JAK2: variants seen among roughly 807,000 people sequenced by gnomAD.
JAK2 encodes Janus kinase 2.
A neutral mutation model predicts 139.3 loss-of-function variants in JAK2; 86 were observed. That is an observed-to-expected ratio of 0.62 (90% confidence interval 0.52 to 0.74). The LOEUF (loss-of-function observed/expected upper bound fraction) is 0.74. JAK2 is among the 30% of genes least tolerant of loss of function. The probability of loss-of-function intolerance (pLI) is 0.00; values close to 1 mark genes in which losing one functional copy is unlikely to be tolerated. For synonymous variants in JAK2, 490 were observed against 437.7 expected (o/e 1.12, Z -1.49); for missense variants, 1,421 against 1,360.3 (o/e 1.04, Z -0.70).
intron 22 of JAK2, chr9:5,110,840 G>GC: frequency 2.2e-6 from 1 of 464,420 alleles, no homozygotes; most frequent in South Asian, 1.8e-5. Context: ...TTCGGGGAAG[G>GC]TGGGGGGGAC....
intron 22 of JAK2, among the ~76,000 whole-genome samples, chr9:5,118,324 G>A (rs1290969569): frequency 1.3e-5 from 2 of 151,924 alleles, no homozygotes; most frequent in Non-Finnish European, 2.9e-5. Flanking sequence ...TGCATAATAT[G>A]TTACACTTTG....
rs1170473485 is a variant in JAK2, at chr9:5,054,979, C to T, written c.936+95C>T. On this transcript the variant is annotated intron_variant, in intron 7 of 24. Transcript: ENST00000381652. This position sits in a 1 kb window ranked among gnomAD's most constrained non-coding sequence, Gnocchi z 4.9. ...TAATCATTTGCAACATGGTATTGCA[C>T]TTCTCCCATTTGATAGAAGTGGAAG... 5 of 866,624 alleles carry T rather than the reference C, an allele frequency of 5.8e-6. No individual in the cohort carries two copies. The highest frequency in any genetic ancestry group is 5.9e-5 in the Admixed American group (2 of 33,952). 53.7% of individuals were successfully genotyped at this position (866,624 alleles called of 1,614,324 possible). A position where few individuals can be genotyped will look rare whatever the true frequency, so the allele number is the denominator to read the frequency against.
Position 5,115,563 on chromosome 9 carries a change from A to G in JAK2, c.3060-7441A>G, listed in dbSNP as rs1232430764. On this transcript the variant is annotated intron_variant, in intron 22 of 24. Transcript: ENST00000381652. ...TCACTGAGCAATTCCATTACTGGGT[A>G]TATACCCAAAGGATTATAAATCATT... 2.6e-5 allele frequency among the ~76,000 whole-genome samples: 4 copies of G among 152,342 alleles called. No homozygotes were observed. The East Asian group carries it at 7.7e-4, about 29-fold the overall frequency.
chr9:5,052,384 C>T (rs1817476092), intron 6 of JAK2, among the ~76,000 whole-genome samples: 1 of 152,002 alleles, frequency 6.6e-6, no homozygotes, highest in African/African-American at 2.4e-5. Context: ...AGGATATAAA[C>T]ACAGATGCAA....
intron 5 of JAK2, among the ~76,000 whole-genome samples, chr9:5,050,318 C>G (rs760102821): frequency 2.0e-5 from 3 of 152,120 alleles, no homozygotes; most frequent in African/African-American, 7.2e-5. Context: ...ATTTTAGAGA[C>G]TGGGTCTTGG....
intron 22 of JAK2, among the ~76,000 whole-genome samples, chr9:5,113,131 G>A (rs888265378): frequency 6.8e-6 from 1 of 147,488 alleles, no homozygotes; most frequent in African/African-American, 2.5e-5. Flanking sequence ...ATGTCACCCT[G>A]TGACCTGCCC....
intron 4 of JAK2, among the ~76,000 whole-genome samples, chr9:5,038,596 A>ATT (rs58788809): frequency 7.5e-5 from 11 of 146,498 alleles, no homozygotes; most frequent in South Asian, 2.1e-4. Flanking sequence ...TGGATTTTAG[A>ATT]TTTTTTTTTT....
Position 5,081,778 on chromosome 9 carries a change from C to T in JAK2, c.2488C>T (p.Leu830=), listed in dbSNP as rs138340828. ...GTTACCAAATATGAGGATAGGTGCCCTGGGGTTTTCTGGTGCCTTTGAAGA... is the reference window on the plus strand; with the variant it reads ...GTTACCAAATATGAGGATAGGTGCCTTGGGGTTTTCTGGTGCCTTTGAAGA... ...DMLPNMRIGA[L]GFSGAFEDRD... The change falls in exon 19 of 25, where the codon CTG becomes TTG. Residue 830 remains leucine (L), a synonymous_variant. Coordinates refer to ENST00000381652, the MANE Select transcript of JAK2 (RefSeq NM_004972.4). 5.5e-4 allele frequency: 890 copies of T among 1,604,920 alleles called. No individual in the cohort carries two copies. Among genetic ancestry groups the T allele is most frequent in the Non-Finnish European group, 7.4e-4 (862 of 1,171,848 alleles).
At chr9:5,006,965 G>A (rs1821346714) in intron 2 of JAK2, among the ~76,000 whole-genome samples, 1 of 151,952 alleles carries the variant, frequency 6.6e-6, no homozygotes, top group African/African-American at 2.4e-5. Context: ...TGTAAGCTCT[G>A]GTAATAATGT....
rs950251192 is a variant in JAK2 at position 5,040,411 on chromosome 9, T to A, written c.351-3992T>A. On this transcript the variant is annotated intron_variant, in intron 4 of 24. Transcript: ENST00000381652. ...AGATTAGGCAGTGGTTTCTTAGATATGACACCAAAAGCTCAAGTGACAAAA... is the reference window on the plus strand; with the variant it reads ...AGATTAGGCAGTGGTTTCTTAGATAAGACACCAAAAGCTCAAGTGACAAAA... 2.6e-5 allele frequency among the ~76,000 whole-genome samples: 4 copies of A among 152,110 alleles called. No homozygotes were observed. In the East Asian group the frequency reaches 7.7e-4, roughly 29 times the overall value.
chr9:5,046,990 T>C (rs1049320942), intron 5 of JAK2, among the ~76,000 whole-genome samples: 1 of 152,168 alleles, frequency 6.6e-6, no homozygotes, highest in African/African-American at 2.4e-5. Context: ...TAGAAAAATT[T>C]TGGGTGATTT....
intron 2 of JAK2, among the ~76,000 whole-genome samples, chr9:5,009,655 C>G (rs1821556536): frequency 6.6e-6 from 1 of 152,116 alleles, no homozygotes; most frequent in Non-Finnish European, 1.5e-5. Context: ...TGCCCCATCC[C>G]CATCCTAACT....
intron 18 of JAK2, among the ~76,000 whole-genome samples, chr9:5,081,277 T>A (rs1244511459): frequency 6.6e-6 from 1 of 151,850 alleles, no homozygotes; most frequent in Non-Finnish European, 1.5e-5. Context: ...TTTGCTTAAA[T>A]TGACTTTTAA....
intron 2 of JAK2, among the ~76,000 whole-genome samples, chr9:5,017,304 A>G (rs1822129869): frequency 6.6e-6 from 1 of 152,224 alleles, no homozygotes; most frequent in African/African-American, 2.4e-5. Context: ...TCCTGAAGGA[A>G]GACCCAAAAC....
At chr9:5,041,601 C>T in intron 4 of JAK2, 1 of 496,316 alleles carries the variant, frequency 2.0e-6, no homozygotes, top group Non-Finnish European at 4.0e-6. Flanking sequence ...CTTTGAGAAG[C>T]CCGACTGTGA....
intron 2 of JAK2, among the ~76,000 whole-genome samples, chr9:4,986,686 A>G (rs971327284): frequency 6.6e-6 from 1 of 152,082 alleles, no homozygotes; most frequent in East Asian, 1.9e-4. Context: ...AGTGTTTTGG[A>G]TTTTTTTTAA....
intron 14 of JAK2, among the ~76,000 whole-genome samples, chr9:5,076,811 C>A (rs796211074): frequency 3.3e-5 from 5 of 152,196 alleles, no homozygotes; most frequent in African/African-American, 1.2e-4. Flanking sequence ...AATTGATAAT[C>A]TTCTCAAAAG....
intron 22 of JAK2, chr9:5,110,802 C>T: frequency 2.4e-6 from 1 of 421,072 alleles, no homozygotes; most frequent in Non-Finnish European, 4.6e-6. Context: ...CGCGCGACGC[C>T]TGGGGGCCCT....
Position 5,029,835 on chromosome 9 carries a change from G to C in JAK2, c.279G>C (p.Arg93Ser). ...NMFALMSETE[R>S]IWYPPNHVFH... is the part of the protein sequence containing the mutation. ...TTGCTTTAATGAGTGAAACAGAAAG[G>C]ATCTGGTATCCACCCAACCATGTCT... The change falls in exon 4 of 25, where the codon AGG becomes AGC. Residue 93 changes from arginine (R) to serine (S), a missense_variant. Physicochemically the swap from Arg to Ser is moderately radical, Grantham distance 110 (BLOSUM62 -1). Coordinates refer to ENST00000381652, the MANE Select transcript of JAK2 (RefSeq NM_004972.4). 6.2e-7 allele frequency: 1 copy of C among 1,611,044 alleles called. No homozygotes were observed. Among genetic ancestry groups the C allele is most frequent in the Non-Finnish European group, 8.5e-7 (1 of 1,177,604 alleles).
Sources: gnomAD v4.1 joint callset for allele counts (sites outside exome capture counted in the v4.1 genomes callset) on GRCh38, gnomAD v4.1.1 for gene constraint, Gnocchi (gnomAD v3.1) non-coding constraint, MANE v1.5 for transcripts, NCBI Gene and HGNC (gene_info 2026-07-23, HGNC 2026-07-21) for gene names.